The following ZNF254 variants were observed in gnomAD, a reference collection of about 807,000 sequenced individuals.
ZNF254 encodes CTD-2017D11.1.
In ZNF254, 10 loss-of-function variants were observed where a neutral mutation model predicts 12.4. The observed-to-expected ratio is 0.80, with a 90% CI of 0.50 to 1.36. The LOEUF (loss-of-function observed/expected upper bound fraction) is 1.36. ZNF254 is among the 40% of genes most tolerant of loss of function. The pLI, the probability that ZNF254 is intolerant of heterozygous loss-of-function variation, is 0.00. For missense variants in ZNF254, 996 were observed against 763.9 expected (o/e 1.30, Z -3.58); for synonymous variants, 305 against 253.4 (o/e 1.20, Z -1.93).
chr19:24,042,269 G>T (rs1970200606), intron 1 of ZNF254, among the ~76,000 whole-genome samples: 5 of 152,164 alleles, frequency 3.3e-5, no homozygotes, highest in African/African-American at 1.2e-4. Flanking sequence ...CTTGCTCAGG[G>T]ATTGTAAACG....
chr19:24,096,953 G>C (rs1972706426), intron 1 of ZNF254, among the ~76,000 whole-genome samples: 1 of 152,194 alleles, frequency 6.6e-6, no homozygotes, highest in Non-Finnish European at 1.5e-5. Context: ...TGATGGACCT[G>C]TCTGTTGTAA....
At chr19:24,101,902 A>G (rs1973051273) in intron 1 of ZNF254, among the ~76,000 whole-genome samples, 1 of 152,204 alleles carries the variant, frequency 6.6e-6, no homozygotes, top group Admixed American at 6.5e-5. Flanking sequence ...CCCTCATGCA[A>G]GAGCTGTCTT....
intron 3 of ZNF254, among the ~76,000 whole-genome samples, chr19:24,118,216 G>C (rs1312141305): frequency 6.6e-6 from 1 of 151,740 alleles, no homozygotes; most frequent in African/African-American, 2.4e-5. Context: ...ACCACATCTG[G>C]CTAATTTTTG....
intron 1 of ZNF254, chr19:24,033,744 C>T: frequency 4.8e-6 from 1 of 206,962 alleles, no homozygotes; most frequent in East Asian, 1.5e-4. Flanking sequence ...CAGCCCCAGG[C>T]CCCTCTGGCC....
intron 3 of ZNF254, among the ~76,000 whole-genome samples, chr19:24,108,286 T>G (rs1359635084): frequency 2.0e-5 from 3 of 152,188 alleles, no homozygotes; most frequent in African/African-American, 7.2e-5. Flanking sequence ...CCCCCCAGAC[T>G]GTGACTGGGA....
chr19:24,122,558 G>A (rs1187017751), intron 3 of ZNF254, among the ~76,000 whole-genome samples: 4 of 151,868 alleles, frequency 2.6e-5, no homozygotes, highest in Non-Finnish European at 4.4e-5. Flanking sequence ...CTTTGCAAAC[G>A]CCAGTCTGTT....
intron 2 of ZNF254, among the ~76,000 whole-genome samples, chr19:24,059,236 T>A (rs995092395): frequency 6.6e-6 from 1 of 152,212 alleles, no homozygotes; most frequent in Non-Finnish European, 1.5e-5. Context: ...TCTCCTCCCA[T>A]TTCCTACCCT....
chr19:24,074,113 A>C (rs764402042), intron 2 of ZNF254, among the ~76,000 whole-genome samples: 11 of 152,196 alleles, frequency 7.2e-5, no homozygotes, highest in Admixed American at 2.0e-4. Context: ...ATTATGGGTC[A>C]TTGTGACATA....
At chr19:24,084,189 A>G (rs1971946636), upstream of ZNF254, among the ~76,000 whole-genome samples, 1 of 148,126 alleles carries the variant, frequency 6.8e-6, no homozygotes, top group Non-Finnish European at 1.5e-5. Context: ...TATATTTATA[A>G]TAATATATAT....
chr19:24,113,529 G>A (rs1013026710), intron 3 of ZNF254, among the ~76,000 whole-genome samples: 5 of 152,050 alleles, frequency 3.3e-5, no homozygotes, highest in African/African-American at 7.2e-5. Flanking sequence ...TTGATGTGAC[G>A]TATCTCAAAA....
In ZNF254 at chr19:24,088,621, T is replaced by G. The variant is rs1377248693; in HGVS notation, c.30+1284T>G. ...CATCTATTTGTCCTTTAGGGTAGAT[T>G]TTGATACCTGTTTTAATTTTTATTT... On this transcript the variant is annotated intron_variant, in intron 1 of 3. Transcript: ENST00000357002. Among the ~76,000 whole-genome samples the G allele has an allele frequency of 2.6e-5, 4 of 152,110 alleles. No homozygotes were observed. The South Asian group carries it at 8.3e-4, about 32-fold the overall frequency.
intron 1 of ZNF254, among the ~76,000 whole-genome samples, chr19:24,102,779 C>T (rs1175724856): frequency 1.3e-5 from 2 of 152,134 alleles, no homozygotes; most frequent in Non-Finnish European, 2.9e-5. Flanking sequence ...GTAGTTGATT[C>T]ACAAGTCACA....
In ZNF254 at chr19:24,073,858, A is replaced by G. The variant is rs529724493; in HGVS notation, c.-94+27579A>G. 9.4e-4 allele frequency among the ~76,000 whole-genome samples: 143 copies of G among 152,356 alleles called. 1 individual carries two copies. Among genetic ancestry groups the G allele is most frequent in the African/African-American group, 3.3e-3 (139 of 41,596 alleles). ...TAATACCTAGAAATGGGACATGTGC[A>G]GGATTGTTAATTTTATCCCTACATT... is the stretch of plus-strand genomic sequence containing the variant. On this transcript the variant is annotated intron_variant, in intron 2 of 4. Coordinates refer to the ZNF254 transcript ENST00000613065.
chr19:24,101,088 G>T (rs946637729), intron 1 of ZNF254, among the ~76,000 whole-genome samples: 7 of 152,052 alleles, frequency 4.6e-5, no homozygotes, highest in Admixed American at 3.9e-4. Flanking sequence ...CAGGGGATCC[G>T]CCTGCCTTGG....
At chr19:24,055,907 G>A (rs1045126665) in intron 2 of ZNF254, among the ~76,000 whole-genome samples, 2 of 152,082 alleles carry the variant, frequency 1.3e-5, no homozygotes, top group African/African-American at 4.8e-5. Flanking sequence ...ACCTAAAACC[G>A]GAACATGTGT....
At chr19:24,051,789 T>G (rs1336773107) in intron 2 of ZNF254, among the ~76,000 whole-genome samples, 1 of 152,158 alleles carries the variant, frequency 6.6e-6, no homozygotes, top group Non-Finnish European at 1.5e-5. Context: ...AAACAAGTAT[T>G]GGTACATATC....
chr19:24,116,395 C>A lies in ZNF254; in HGVS notation c.253+9752C>A, dbSNP rs903766400. ...TATTTCTTGGAGGCTTTTTTCAATT[C>A]TTTTTATTCTTTTTTCTCTAAACTT... On this transcript the variant is annotated intron_variant, in intron 3 of 3. Transcript: ENST00000357002. Among the ~76,000 whole-genome samples, 15 of 152,098 alleles carry A rather than the reference C, an allele frequency of 9.9e-5. 1 individual carries two copies. The highest frequency in any genetic ancestry group is 5.9e-5 in the Non-Finnish European group (4 of 67,966).
chr19:24,038,843 C>A (rs1262618639), intron 1 of ZNF254, among the ~76,000 whole-genome samples: 1 of 152,220 alleles, frequency 6.6e-6, no homozygotes, highest in Non-Finnish European at 1.5e-5. Flanking sequence ...CTCTGTCTTT[C>A]TATCCCCCTG....
chr19:24,119,861 G>A (rs528537475), intron 3 of ZNF254, among the ~76,000 whole-genome samples: 2 of 152,062 alleles, frequency 1.3e-5, no homozygotes, highest in South Asian at 4.2e-4. Flanking sequence ...ATGTGTTTGA[G>A]TGGTATGTTT....
Sources: gnomAD v4.1 joint callset for allele counts (sites outside exome capture counted in the v4.1 genomes callset) on GRCh38, gnomAD v4.1.1 for gene constraint, MANE v1.5 for transcripts, NCBI Gene and HGNC (gene_info 2026-07-23, HGNC 2026-07-21) for gene names.